The following WDFY4 variants were observed in gnomAD, a reference collection of about 807,000 sequenced individuals.
The protein encoded by WDFY4 is WD repeat- and FYVE domain-containing protein 4.
In WDFY4, 169 loss-of-function variants were observed where a neutral mutation model predicts 351.9. That is an observed-to-expected ratio of 0.48 (90% CI 0.42 to 0.55). The LOEUF is 0.55. Among genes scored for constraint, WDFY4 ranks in the 20% least tolerant of loss-of-function variants. The pLI, the probability that WDFY4 is intolerant of heterozygous loss-of-function variation, is 0.00. For missense variants in WDFY4, 3,803 were observed against 3,935.6 expected (o/e 0.97, Z 0.90); for synonymous variants, 1,622 against 1,574.6 (o/e 1.03, Z -0.71).
intron 1 of WDFY4, among the ~76,000 whole-genome samples, chr10:48,694,907 A>T (rs1036853423): frequency 6.6e-6 from 1 of 151,892 alleles, no homozygotes; most frequent in Non-Finnish European, 1.5e-5. Context: ...CTCTTGCCCC[A>T]CAGCCACCAC....
intron 1 of WDFY4, among the ~76,000 whole-genome samples, chr10:48,704,697 C>A (rs1350573202): frequency 6.6e-6 from 1 of 152,186 alleles, no homozygotes; most frequent in African/African-American, 2.4e-5. Flanking sequence ...GTGTGCTGGG[C>A]AGCAAAGCCT....
rs558353995 is a variant in WDFY4, at chr10:48,921,047, G to A, written c.7586+19184G>A. On this transcript the variant is annotated intron_variant, in intron 47 of 61. Coordinates refer to ENST00000325239, the MANE Select transcript of WDFY4 (RefSeq NM_001394531.1). ...AACATACCATGTTCGTGAATTGGAT[G>A]ACTTAATGTCAACTCTCCCCAAATT... 2.4e-4 allele frequency among the ~76,000 whole-genome samples: 37 copies of A among 152,276 alleles called. 1 individual carries two copies. In the South Asian group the frequency reaches 7.7e-3, roughly 32 times the overall value.
At chr10:48,850,678 C>T (rs932369165) in intron 39 of WDFY4, among the ~76,000 whole-genome samples, 1 of 152,152 alleles carries the variant, frequency 6.6e-6, no homozygotes, top group African/African-American at 2.4e-5. Context: ...CTATGAGTAC[C>T]CTGAGTGTTG....
At chr10:48,905,247 G>C (rs2133433002) in intron 47 of WDFY4, among the ~76,000 whole-genome samples, 1 of 152,280 alleles carries the variant, frequency 6.6e-6, no homozygotes, top group South Asian at 2.1e-4. Flanking sequence ...AAATATAGAG[G>C]GGCAGGTAGA....
chr10:48,798,634 G>T (rs187912847), intron 24 of WDFY4, among the ~76,000 whole-genome samples: 19 of 152,286 alleles, frequency 1.2e-4, no homozygotes, highest in African/African-American at 4.1e-4. Context: ...GTGAGTCACT[G>T]GTTTAAAATC....
intron 41 of WDFY4, among the ~76,000 whole-genome samples, chr10:48,873,982 T>G (rs1435985115): frequency 6.6e-6 from 1 of 152,212 alleles, no homozygotes; most frequent in African/African-American, 2.4e-5. Context: ...GGCACAGCCC[T>G]GTGCTGCAGT....
chr10:48,719,640 G>A (rs61838425), intron 2 of WDFY4, among the ~76,000 whole-genome samples: 22,525 of 152,284 alleles, frequency 0.15, 2,094 homozygotes, highest in Non-Finnish European at 0.21. Flanking sequence ...GGGGCTGGGT[G>A]AGGGCTGAGG....
rs1422561726 is a variant in WDFY4, at chr10:48,779,964, T to A, written c.3421T>A (p.Ser1141Thr). The A allele has an allele frequency of 6.4e-7, 1 of 1,551,662 alleles. No individual in the cohort carries two copies. Among genetic ancestry groups the A allele is most frequent in the Non-Finnish European group, 8.7e-7 (1 of 1,147,020 alleles). Residue 1141 changes from serine (S) to threonine (T), a missense_variant, in exon 19 of 62, where the codon TCC (serine) becomes ACC (threonine). Coordinates refer to ENST00000325239, the MANE Select transcript of WDFY4 (RefSeq NM_001394531.1). ...PLDVMEPEDD[S>T]EPSAGCQLQV... ...AGATGTCATGGAACCTGAGGATGACTCCGAGCCTTCTGCAGGATGCCAGCT... is the reference window on the plus strand; with the variant it reads ...AGATGTCATGGAACCTGAGGATGACACCGAGCCTTCTGCAGGATGCCAGCT...
chr10:48,811,697 G>A lies in WDFY4; in HGVS notation c.5203G>A (p.Asp1735Asn), dbSNP rs1032443739. Residue 1735 changes from aspartate to asparagine, a missense_variant, in exon 30 of 62, where the codon GAC (aspartate) becomes AAC (asparagine). Around this residue, in one of 3 missense-constraint regions of WDFY4, gnomAD observed 3,054 missense variants for 3,148.6 expected, o/e 0.97. Transcript: ENST00000325239. ...FLQTPLTELMDGPKDSLDAML... is the reference protein window; with the variant it reads ...FLQTPLTELMNGPKDSLDAML... Reference sequence around the variant, plus strand: ...GCAGACACCACTCACAGAGCTGATGGACGGGCCCAAAGTAGGTTTTCAGAG... The same window carrying A: ...GCAGACACCACTCACAGAGCTGATGAACGGGCCCAAAGTAGGTTTTCAGAG... The A allele has an allele frequency of 2.6e-6, 4 of 1,551,568 alleles. No homozygotes were observed. In the East Asian group the frequency reaches 7.3e-5, roughly 28 times the overall value.
chr10:48,869,893 G>C (rs910706495), intron 40 of WDFY4, among the ~76,000 whole-genome samples: 2 of 152,002 alleles, frequency 1.3e-5, no homozygotes, highest in Non-Finnish European at 2.9e-5. Flanking sequence ...TCACAGCTCT[G>C]TCAGTTAAAA....
intron 53 of WDFY4, among the ~76,000 whole-genome samples, chr10:48,962,987 A>G (rs1339411894): frequency 6.6e-6 from 1 of 152,196 alleles, no homozygotes; most frequent in Non-Finnish European, 1.5e-5. Context: ...GCCAGGGATG[A>G]TTTAGAAGAT....
chr10:48,687,554 C>T (rs951100225), intron 1 of WDFY4, among the ~76,000 whole-genome samples: 1 of 150,356 alleles, frequency 6.7e-6, no homozygotes, highest in African/African-American at 2.4e-5. Flanking sequence ...TTATTTTATT[C>T]TGCTTTTCCC....
chr10:48,727,266 C>A (rs2064301406), intron 6 of WDFY4, among the ~76,000 whole-genome samples: 1 of 152,230 alleles, frequency 6.6e-6, no homozygotes. Context: ...TCCTGTGTCA[C>A]CTGCTGGGCT....
chr10:48,936,239 A>AT (rs370102082), intron 47 of WDFY4, among the ~76,000 whole-genome samples: 2 of 152,142 alleles, frequency 1.3e-5, no homozygotes, highest in African/African-American at 4.8e-5. Flanking sequence ...TAACTATAAC[A>AT]TTTTTTAATA....
At chr10:48,848,603 CAGTG>C in intron 39 of WDFY4, among the ~76,000 whole-genome samples, 1 of 152,226 alleles carries the variant, frequency 6.6e-6, no homozygotes, top group Admixed American at 6.5e-5. Flanking sequence ...ATTTGGGCCC[CAGTG>C]AGTGAGGAAG....
intron 54 of WDFY4, 70 bp from the exon 55 acceptor site, chr10:48,966,456 A>T: frequency 6.8e-7 from 1 of 1,469,780 alleles, no homozygotes. Context: ...GTGCAGCTAC[A>T]GTGTGCACAG....
Position 48,796,343 on chromosome 10 carries a change from C to G in WDFY4, c.4303C>G (p.Arg1435Gly). The G allele has an allele frequency of 1.3e-6, 2 of 1,552,364 alleles. No homozygotes were observed. The highest frequency in any genetic ancestry group is 1.7e-6 in the Non-Finnish European group (2 of 1,147,134). ...LRKKASLLNH[R>G]IFQLILSVAG... ...GAAGAAGGCCTCTCTCCTGAACCATCGAATTTTTCAGCTGATCCTCTCAGT... is the reference window on the plus strand; with the variant it reads ...GAAGAAGGCCTCTCTCCTGAACCATGGAATTTTTCAGCTGATCCTCTCAGT... The change falls in exon 24 of 62, where the codon CGA becomes GGA. Residue 1435 changes from arginine (R) to glycine (G), a missense_variant. This residue lies in a region of WDFY4 where 3,054 missense variants were observed against 3,148.6 expected (regional missense o/e 0.97). Transcript: ENST00000325239.
intron 51 of WDFY4, among the ~76,000 whole-genome samples, chr10:48,956,390 G>C (rs1841590040): frequency 6.6e-6 from 1 of 152,090 alleles, no homozygotes. Flanking sequence ...TCTTATCGAA[G>C]CCAAGACCCC....
intron 31 of WDFY4, among the ~76,000 whole-genome samples, chr10:48,814,587 G>T (rs2067559943): frequency 6.6e-6 from 1 of 152,218 alleles, no homozygotes; most frequent in African/African-American, 2.4e-5. Flanking sequence ...TAGAGGCCAT[G>T]TGACTTGTGA....
Sources: gnomAD v4.1 joint callset for allele counts (sites outside exome capture counted in the v4.1 genomes callset) on GRCh38, gnomAD v4.1.1 for gene constraint, gnomAD v4.1.1 regional missense constraint, MANE v1.5 for transcripts, NCBI Gene and HGNC (gene_info 2026-07-23, HGNC 2026-07-21) for gene names.